The following DLEU7 variants were observed in gnomAD, a reference collection of about 807,000 sequenced individuals.
The protein encoded by DLEU7 is leukemia-associated protein 7.
A neutral mutation model predicts 16.0 loss-of-function variants in DLEU7; 17 were observed. That is an observed-to-expected ratio of 1.06 (90% confidence interval 0.73 to 1.59). The LOEUF (loss-of-function observed/expected upper bound fraction) is 1.59. Ranked by LOEUF, DLEU7 falls within the 40% of genes most tolerant of loss-of-function variation. The pLI, the probability that DLEU7 is intolerant of heterozygous loss-of-function variation, is 0.00. For missense variants in DLEU7, 308 were observed against 314.9 expected (o/e 0.98, Z 0.17); for synonymous variants, 113 against 139.8 (o/e 0.81, Z 1.35).
At chr13:50,777,144 C>T (rs145214278) in intron 1 of DLEU7, among the ~76,000 whole-genome samples, 255 of 152,242 alleles carry the variant, frequency 1.7e-3, no homozygotes, top group South Asian at 5.8e-3. Flanking sequence ...TTCCTGGCTA[C>T]GGAAAGTATT....
At chr13:50,821,361 A>G (rs920226870), downstream of DLEU7, among the ~76,000 whole-genome samples, 2 of 152,170 alleles carry the variant, frequency 1.3e-5, no homozygotes, top group Non-Finnish European at 2.9e-5. Context: ...TGGTAGGGGC[A>G]ACCAAAGTTC....
At chr13:50,753,811 A>T (rs1874667847) in intron 1 of DLEU7, among the ~76,000 whole-genome samples, 1 of 152,248 alleles carries the variant, frequency 6.6e-6, no homozygotes, top group Non-Finnish European at 1.5e-5. Context: ...GAGCCCAGGC[A>T]GAGGTGCCAA....
At chr13:50,756,035 G>T (rs540495965) in intron 1 of DLEU7, among the ~76,000 whole-genome samples, 3 of 152,312 alleles carry the variant, frequency 2.0e-5, no homozygotes, top group Middle Eastern at 3.4e-3. Context: ...TGGTACTGGG[G>T]GTTGTCTGCA....
At chr13:50,807,840 T>C (rs646791) in intron 1 of DLEU7, 3 of 152,264 alleles carry the variant, frequency 2.0e-5, no homozygotes, top group Admixed American at 6.5e-5. Context: ...AAAGGGACTT[T>C]CTTTCTGAGA....
At chr13:50,837,602 T>C (rs1324980075) in intron 1 of DLEU7, among the ~76,000 whole-genome samples, 1 of 152,224 alleles carries the variant, frequency 6.6e-6, no homozygotes, top group Non-Finnish European at 1.5e-5. Context: ...ACCTTGGCTA[T>C]GGCTACTGAT....
chr13:50,798,646 C>G (rs1348918557), intron 1 of DLEU7, among the ~76,000 whole-genome samples: 1 of 152,182 alleles, frequency 6.6e-6, no homozygotes, highest in Non-Finnish European at 1.5e-5. Flanking sequence ...TTTGGCTGCT[C>G]CCAACATGCA....
chr13:50,711,772 C>CCGGGCGGGTGG, downstream of DLEU7: 5 of 72,928 alleles, frequency 6.9e-5, no homozygotes, highest in African/African-American at 2.0e-4. Context: ...GACCCAGTGG[C>CCGGGCGGGTGG]GGGGGCGGGG....
chr13:50,806,162 T>C (rs1373961129), intron 1 of DLEU7, among the ~76,000 whole-genome samples: 3 of 152,200 alleles, frequency 2.0e-5, no homozygotes, highest in African/African-American at 7.2e-5. Context: ...CTCTGTTGTT[T>C]CCTAGTTTTA....
chr13:50,802,764 A>G (rs1462423001), intron 1 of DLEU7, among the ~76,000 whole-genome samples: 2 of 152,194 alleles, frequency 1.3e-5, no homozygotes, highest in African/African-American at 4.8e-5. Flanking sequence ...GACCTGAATT[A>G]CTAATTATAT....
chr13:50,784,379 A>G (rs1875742677), intron 1 of DLEU7, among the ~76,000 whole-genome samples: 1 of 152,186 alleles, frequency 6.6e-6, no homozygotes, highest in African/African-American at 2.4e-5. Flanking sequence ...CTGGAATTCC[A>G]TCTGCATATC....
intron 1 of DLEU7, among the ~76,000 whole-genome samples, chr13:50,799,212 A>G (rs1394791126): frequency 2.6e-5 from 4 of 152,224 alleles, no homozygotes; most frequent in Non-Finnish European, 1.5e-5. Flanking sequence ...ATGCACACAT[A>G]TATGCATATT....
intron 1 of DLEU7, among the ~76,000 whole-genome samples, chr13:50,786,469 TAGC>T (rs1488173193): frequency 3.3e-5 from 5 of 152,198 alleles, no homozygotes; most frequent in Non-Finnish European, 5.9e-5. Flanking sequence ...TGCCACATAG[TAGC>T]AGCTCAGTGC....
chr13:50,840,482 C>T (rs1593419886), intron 1 of DLEU7, among the ~76,000 whole-genome samples: 2 of 152,208 alleles, frequency 1.3e-5, no homozygotes, highest in Admixed American at 6.5e-5. Context: ...CTGCTTCTCT[C>T]GAAAGCCCTC....
At position 50,739,116 on chromosome 13, in the gene DLEU7, T is replaced by C. The variant is rs149723854; in HGVS notation, c.460-25876A>G. ...CTACCCTACCAGGAATGCTCTTCCT[T>C]TATTTCCTCCTCTCCTCCCACCTAG... On this transcript the variant is annotated intron_variant, in intron 1 of 1. Transcript: ENST00000400393. Among the ~76,000 whole-genome samples the C allele has an allele frequency of 4.5e-3, 685 of 152,212 alleles. 6 individuals carry two copies. Among genetic ancestry groups the C allele is most frequent in the African/African-American group, 0.015 (621 of 41,552 alleles).
intron 1 of DLEU7, among the ~76,000 whole-genome samples, chr13:50,742,911 G>A (rs970323063): frequency 9.2e-5 from 14 of 152,100 alleles, no homozygotes; most frequent in African/African-American, 2.9e-4. Flanking sequence ...AACCCTCTTC[G>A]TGGGATGAGA....
chr13:50,788,493 T>C (rs1875857036), intron 1 of DLEU7, among the ~76,000 whole-genome samples: 1 of 152,208 alleles, frequency 6.6e-6, no homozygotes, highest in Non-Finnish European at 1.5e-5. Context: ...AACCTCATTG[T>C]CGAGGACACT....
At chr13:50,716,515 T>C (rs985704511) in intron 1 of DLEU7, among the ~76,000 whole-genome samples, 5 of 152,256 alleles carry the variant, frequency 3.3e-5, no homozygotes, top group African/African-American at 1.2e-4. Flanking sequence ...TGGGCTACCT[T>C]TTCCGTGATG....
intron 1 of DLEU7, among the ~76,000 whole-genome samples, chr13:50,731,462 A>C (rs1873909553): frequency 6.6e-6 from 1 of 152,144 alleles, no homozygotes; most frequent in Non-Finnish European, 1.5e-5. Context: ...AAAATGTTAA[A>C]AGTTGGAAAT....
downstream of DLEU7, among the ~76,000 whole-genome samples, chr13:50,821,675 G>A (rs1876908518): frequency 6.6e-6 from 1 of 151,578 alleles, no homozygotes; most frequent in South Asian, 2.1e-4. Context: ...ACAAAGTGAG[G>A]AAAAAGCACA....
Sources: gnomAD v4.1 joint callset for allele counts (sites outside exome capture counted in the v4.1 genomes callset) on GRCh38, gnomAD v4.1.1 for gene constraint, MANE v1.5 for transcripts, NCBI Gene and HGNC (gene_info 2026-07-23, HGNC 2026-07-21) for gene names.